PCDHA12: variants seen among roughly 807,000 people sequenced by gnomAD.
The protein encoded by PCDHA12 is protocadherin alpha-12.
Under a neutral mutation model 60.0 loss-of-function variants are expected in PCDHA12, and 44 were observed. The observed-to-expected ratio is 0.73, with a 90% CI of 0.58 to 0.94. PCDHA12 has a LOEUF of 0.94. Among genes scored for constraint, PCDHA12 ranks in the 40% least tolerant of loss-of-function variants. The pLI is 0.00. For synonymous variants in PCDHA12, 569 were observed against 553.0 expected (o/e 1.03, Z -0.40); for missense variants, 1,276 against 1,239.7 (o/e 1.03, Z -0.44).
intron 3 of PCDHA12, among the ~76,000 whole-genome samples, chr5:141,001,290 G>A (rs2098005878): frequency 6.6e-6 from 1 of 152,100 alleles, no homozygotes; most frequent in Non-Finnish European, 1.5e-5. Flanking sequence ...GATGAAAACT[G>A]AGGCCCAGAG....
intron 1 of PCDHA12, chr5:140,929,740 A>G (rs2086345950): frequency 5.1e-6 from 1 of 196,656 alleles, no homozygotes; most frequent in African/African-American, 2.3e-5. Context: ...AACTATTGCA[A>G]TGCATTATTA....
At chr5:140,967,390 G>C (rs2096135950) in intron 1 of PCDHA12, 1 of 1,609,870 alleles carries the variant, frequency 6.2e-7, no homozygotes, top group African/African-American at 1.3e-5. Context: ...AAGTGCTTGA[G>C]CTGGTGCTGC....
At chr5:140,886,515 G>C (rs1554182564) in intron 1 of PCDHA12, among the ~76,000 whole-genome samples, 1 of 151,972 alleles carries the variant, frequency 6.6e-6, no homozygotes, top group East Asian at 1.9e-4. Context: ...TGGATTTTAA[G>C]GTCTGCATAT....
intron 1 of PCDHA12, among the ~76,000 whole-genome samples, chr5:140,976,809 T>C (rs1563451400): frequency 6.6e-6 from 1 of 152,220 alleles, no homozygotes; most frequent in Non-Finnish European, 1.5e-5. Flanking sequence ...TATCTGAAGA[T>C]ATGCATGTGT....
intron 1 of PCDHA12, among the ~76,000 whole-genome samples, chr5:140,911,873 A>G (rs980533422): frequency 7.2e-5 from 11 of 152,038 alleles, no homozygotes; most frequent in African/African-American, 2.7e-4. Flanking sequence ...TTCTGGAACC[A>G]CTCCTGGGAC....
At chr5:140,906,589 C>T (rs2072764004) in intron 1 of PCDHA12, among the ~76,000 whole-genome samples, 1 of 152,220 alleles carries the variant, frequency 6.6e-6, no homozygotes, top group South Asian at 2.1e-4. Context: ...TGACTACCTT[C>T]CTCTACTACT....
intron 1 of PCDHA12, chr5:140,884,795 T>C: frequency 7.8e-7 from 1 of 1,280,270 alleles, no homozygotes; most frequent in South Asian, 1.7e-5. Context: ...TGTTATCGAA[T>C]TTAACAACTC....
intron 1 of PCDHA12, among the ~76,000 whole-genome samples, chr5:140,939,846 T>G (rs2092473465): frequency 6.6e-6 from 1 of 152,222 alleles, no homozygotes; most frequent in Non-Finnish European, 1.5e-5. Flanking sequence ...GTTGTTGTGT[T>G]CTGTATATGT....
At chr5:140,919,925 G>A (rs2079351459) in intron 1 of PCDHA12, among the ~76,000 whole-genome samples, 1 of 152,124 alleles carries the variant, frequency 6.6e-6, no homozygotes, top group African/African-American at 2.4e-5. Flanking sequence ...AAATTTTCAG[G>A]TGGGGGCTAA....
chr5:140,930,411 A>C (rs1554207797), intron 1 of PCDHA12: 2 of 149,218 alleles, frequency 1.3e-5, no homozygotes, highest in African/African-American at 2.5e-5. Context: ...TTTTTGAGAC[A>C]GGGGTCTCAC....
At chr5:140,884,634 G>A in intron 1 of PCDHA12, 1 of 1,612,414 alleles carries the variant, frequency 6.2e-7, no homozygotes, top group Non-Finnish European at 8.5e-7. Context: ...ACAGGCCAGA[G>A]GGAGGAGGAC....
chr5:140,961,716 G>A (rs2095631233), intron 1 of PCDHA12, among the ~76,000 whole-genome samples: 1 of 152,082 alleles, frequency 6.6e-6, no homozygotes, highest in African/African-American at 2.4e-5. Flanking sequence ...TCATTTCTAA[G>A]TGCTCATAAA....
intron 1 of PCDHA12, among the ~76,000 whole-genome samples, chr5:140,912,269 A>T (rs1463580948): frequency 6.6e-6 from 1 of 151,984 alleles, no homozygotes; most frequent in African/African-American, 2.4e-5. Context: ...ACCCTCACAG[A>T]TATACCCAGG....
At chr5:140,927,818 A>C (rs1554205106) in intron 1 of PCDHA12, 1 of 1,614,190 alleles carries the variant, frequency 6.2e-7, no homozygotes, top group Admixed American at 1.7e-5. Flanking sequence ...TTGGAGGCAT[A>C]CATTGAGGCG....
At position 140,987,445 on chromosome 5, in the gene PCDHA12, G is replaced by A. The variant is rs141923390; in HGVS notation, c.2515+4882G>A. Among the ~76,000 whole-genome samples, 799 of 152,220 alleles carry A rather than the reference G, an allele frequency of 5.2e-3. 4 individuals carry two copies. The highest frequency in any genetic ancestry group is 0.018 in the African/African-American group (765 of 41,528). On this transcript the variant is annotated intron_variant, in intron 3 of 3. Transcript: ENST00000398631. ...AAGCAGGGGGCCTTTCCCCATGCCC[G>A]AGAGATAATTGTTAAGAGCTCAAGC...
Position 140,968,348 on chromosome 5 carries a change from A to G in PCDHA12, c.2368-10601A>G, listed in dbSNP as rs782567344. The stretch of plus-strand genomic sequence containing the variant: ...CTCCTATGTCTCCATTAACAGTGCC[A>G]GTGGCAGCCTTTATGCTGTCAACTC... On this transcript the variant is annotated intron_variant, in intron 1 of 3. Coordinates refer to ENST00000398631, the MANE Select transcript of PCDHA12 (RefSeq NM_018903.4). 1 of 1,614,124 alleles carries G rather than the reference A, an allele frequency of 6.2e-7. No individual in the cohort carries two copies. The highest frequency in any genetic ancestry group is 2.2e-5 in the East Asian group (1 of 44,886).
intron 1 of PCDHA12, chr5:140,967,383 T>A: frequency 6.2e-7 from 1 of 1,608,702 alleles, no homozygotes; most frequent in Non-Finnish European, 8.5e-7. Flanking sequence ...AACAGTAAAG[T>A]GCTTGAGCTG....
At chr5:141,005,469 C>T (rs549630927) in intron 3 of PCDHA12, among the ~76,000 whole-genome samples, 2 of 151,656 alleles carry the variant, frequency 1.3e-5, no homozygotes, top group South Asian at 2.1e-4. Flanking sequence ...TTTGGGAGGC[C>T]GAGACGGGCG....
intron 1 of PCDHA12, chr5:140,966,278 T>TGG (rs1173319352): frequency 3.6e-5 from 13 of 363,192 alleles, no homozygotes; most frequent in Admixed American, 2.8e-4. Context: ...AACTGGACAG[T>TGG]GGGGGTAGGG....
Sources: gnomAD v4.1 joint callset for allele counts (sites outside exome capture counted in the v4.1 genomes callset) on GRCh38, gnomAD v4.1.1 for gene constraint, MANE v1.5 for transcripts, NCBI Gene and HGNC (gene_info 2026-07-23, HGNC 2026-07-21) for gene names.